The following DCC variants were observed in gnomAD, a reference collection of about 807,000 sequenced individuals.
DCC encodes netrin receptor DCC.
In DCC, 58 loss-of-function variants were observed where a neutral mutation model predicts 172.5. The ratio of observed to expected loss-of-function variants is 0.34; its 90% CI spans 0.27 to 0.42. The LOEUF is 0.42. Among genes scored for constraint, DCC ranks in the 10% least tolerant of loss-of-function variants. The probability of loss-of-function intolerance (pLI) is 1.00; values close to 1 mark genes in which losing one functional copy is unlikely to be tolerated. For synonymous variants in DCC, 709 were observed against 644.5 expected (o/e 1.10, Z -1.52); for missense variants, 1,740 against 1,791.0 (o/e 0.97, Z 0.51).
intron 9 of DCC, among the ~76,000 whole-genome samples, chr18:53,193,066 CCT>C (rs1476406658): frequency 3.3e-5 from 5 of 152,096 alleles, no homozygotes; most frequent in Non-Finnish European, 5.9e-5. Context: ...AAGCTGTTTT[CCT>C]CTCTCTTCTG....
intron 7 of DCC, among the ~76,000 whole-genome samples, chr18:53,154,394 G>A (rs1041538745): frequency 1.4e-4 from 21 of 152,274 alleles, no homozygotes; most frequent in African/African-American, 4.8e-4. Context: ...AGCCACCCAA[G>A]ACCCATGGTC....
At chr18:53,003,153 C>T (rs746395552) in intron 5 of DCC, among the ~76,000 whole-genome samples, 12 of 152,132 alleles carry the variant, frequency 7.9e-5, no homozygotes, top group Non-Finnish European at 1.5e-4. Flanking sequence ...AGTGACTTGA[C>T]GTCCTCTCCA....
intron 21 of DCC, among the ~76,000 whole-genome samples, chr18:53,428,189 A>G (rs1467427486): frequency 2.1e-5 from 1 of 46,886 alleles, no homozygotes; most frequent in African/African-American, 5.8e-5. Flanking sequence ...TATATAATAT[A>G]GAATATATAA....
intron 3 of DCC, among the ~76,000 whole-genome samples, chr18:52,907,156 T>C (rs1218539233): frequency 1.3e-5 from 2 of 149,452 alleles, no homozygotes; most frequent in African/African-American, 4.9e-5. Context: ...ATATCATACA[T>C]ATATCATATA....
At chr18:53,449,979 A>G (rs1032309375) in intron 22 of DCC, among the ~76,000 whole-genome samples, 1 of 152,140 alleles carries the variant, frequency 6.6e-6, no homozygotes, top group Non-Finnish European at 1.5e-5. Context: ...TGGATATTTC[A>G]TATAAATAGA....
intron 5 of DCC, among the ~76,000 whole-genome samples, chr18:53,032,883 A>G (rs1285867215): frequency 2.6e-5 from 4 of 152,160 alleles, no homozygotes; most frequent in Non-Finnish European, 5.9e-5. Flanking sequence ...TGACTCTCCC[A>G]GAAAACTCCC....
chr18:53,493,731 T>A (rs1478205192), intron 26 of DCC, among the ~76,000 whole-genome samples: 1 of 152,120 alleles, frequency 6.6e-6, no homozygotes, highest in Non-Finnish European at 1.5e-5. Context: ...ATTCATTGAT[T>A]TTTTGAAGGG....
chr18:53,093,617 C>A (rs1368400728), intron 7 of DCC, among the ~76,000 whole-genome samples: 2 of 152,152 alleles, frequency 1.3e-5, no homozygotes, highest in African/African-American at 4.8e-5. Context: ...AGATTCTGAC[C>A]TTCCATAATT....
At position 52,822,779 on chromosome 18, in the gene DCC, C is replaced by A. The variant is rs186850615; in HGVS notation, c.412+70405C>A. ...TAGGATTAAGGTTGTGGTGGAGATA[C>A]AATTTTTTCCTTAAGTTGTTTTCTT... On this transcript the variant is annotated intron_variant, in intron 2 of 28. Coordinates refer to ENST00000442544, the MANE Select transcript of DCC (RefSeq NM_005215.4). Among the ~76,000 whole-genome samples the A allele has an allele frequency of 2.6e-3, 393 of 152,242 alleles. 1 individual carries two copies. The highest frequency in any genetic ancestry group is 9.0e-3 in the African/African-American group (372 of 41,542).
At chr18:52,415,420 C>T (rs1986987203) in intron 1 of DCC, among the ~76,000 whole-genome samples, 1 of 152,186 alleles carries the variant, frequency 6.6e-6, no homozygotes, top group Non-Finnish European at 1.5e-5. Flanking sequence ...ATGCTAATTG[C>T]CATTTGACAC....
At chr18:53,380,200 T>G (rs919678824) in intron 15 of DCC, among the ~76,000 whole-genome samples, 4 of 152,198 alleles carry the variant, frequency 2.6e-5, no homozygotes, top group African/African-American at 9.7e-5. Flanking sequence ...AATTCTTTTG[T>G]GATTTACTGG....
At chr18:52,852,258 C>A (rs1216209125) in intron 2 of DCC, among the ~76,000 whole-genome samples, 1 of 152,070 alleles carries the variant, frequency 6.6e-6, no homozygotes, top group African/African-American at 2.4e-5. Flanking sequence ...AATATACTCT[C>A]TAGCTATCAT....
chr18:53,241,869 C>CT (rs1204757258), intron 12 of DCC, among the ~76,000 whole-genome samples: 2 of 152,124 alleles, frequency 1.3e-5, no homozygotes, highest in Non-Finnish European at 2.9e-5. Flanking sequence ...GGAGTTTTAG[C>CT]TAGAAGCCAG....
chr18:53,402,525 G>A (rs978363610), intron 18 of DCC, among the ~76,000 whole-genome samples: 2 of 151,926 alleles, frequency 1.3e-5, no homozygotes, highest in African/African-American at 2.4e-5. Flanking sequence ...AATACCAGTT[G>A]TACTTTTCTC....
intron 1 of DCC, among the ~76,000 whole-genome samples, chr18:52,678,222 A>G (rs1008282164): frequency 3.9e-4 from 59 of 152,114 alleles, no homozygotes; most frequent in African/African-American, 1.3e-3. Context: ...GGCAAGGTTA[A>G]CGTTAAGAAA....
At chr18:53,140,673 A>C (rs2144347662) in intron 7 of DCC, among the ~76,000 whole-genome samples, 1 of 152,300 alleles carries the variant, frequency 6.6e-6, no homozygotes, top group East Asian at 1.9e-4. Context: ...GAAACTAGTA[A>C]TCAAGAGACA....
chr18:52,648,575 G>A (rs1877787604), intron 1 of DCC, among the ~76,000 whole-genome samples: 1 of 152,200 alleles, frequency 6.6e-6, no homozygotes, highest in Non-Finnish European at 1.5e-5. Context: ...AGAGAAAAAG[G>A]ACATCAGTCC....
At chr18:52,595,277 G>A (rs1273487643) in intron 1 of DCC, among the ~76,000 whole-genome samples, 1 of 152,070 alleles carries the variant, frequency 6.6e-6, no homozygotes, top group East Asian at 1.9e-4. Flanking sequence ...CCCAAAGAAG[G>A]CTGACACCTC....
intron 1 of DCC, among the ~76,000 whole-genome samples, chr18:52,344,629 A>T (rs1598849492): frequency 6.6e-6 from 1 of 151,408 alleles, no homozygotes; most frequent in Admixed American, 6.6e-5. Flanking sequence ...CAAAACACTT[A>T]TCTTTACCTG....
Sources: allele counts gnomAD v4.1 joint callset (sites outside exome capture counted in the v4.1 genomes callset), GRCh38; gene constraint gnomAD v4.1.1; transcripts MANE v1.5; gene names NCBI Gene and HGNC (gene_info 2026-07-23, HGNC 2026-07-21).